Variants in MACROD2 observed in about 807,000 individuals in gnomAD.
The protein encoded by MACROD2 is mono-ADP ribosylhydrolase 2.
MACROD2 carries 36 observed loss-of-function variants against 70.4 expected under a neutral mutation model. The ratio of observed to expected loss-of-function variants is 0.51; its 90% CI spans 0.39 to 0.68. MACROD2 has a LOEUF of 0.68. Ranked by LOEUF, MACROD2 falls within the 30% of genes least tolerant of loss-of-function variation. MACROD2 has a pLI of 0.00. For synonymous variants in MACROD2, 172 were observed against 178.8 expected (o/e 0.96, Z 0.30); for missense variants, 496 against 538.4 (o/e 0.92, Z 0.78).
Position 15,039,555 on chromosome 20 carries a change from A to G in MACROD2, c.419-190385A>G, listed in dbSNP as rs543761421. 2.7e-5 allele frequency among the ~76,000 whole-genome samples: 4 copies of G among 150,608 alleles called. No homozygotes were observed. In the South Asian group the frequency reaches 8.8e-4, roughly 33 times the overall value. ...TCTGCATGGCCAGGTGCCATACTTC[A>G]TGGTATTGTTTAATGAGCCCTGACA... is the stretch of plus-strand genomic sequence containing the variant. On this transcript the variant is annotated intron_variant, in intron 5 of 17. Transcript: ENST00000684519.
In MACROD2 at chr20:15,275,224, AAAC is replaced by A. The variant is rs568412537; in HGVS notation, c.540+45172_540+45174del. ...AAACCAAACTAAACCACAAACACACAAACAACAACAAAAACAAACAAACAAACA... is the reference window on the plus strand; with the variant it reads ...AAACCAAACTAAACCACAAACACACAAACAACAAAAACAAACAAACAAACA... On this transcript the variant is annotated intron_variant, in intron 6 of 17. Coordinates refer to ENST00000684519, the MANE Select transcript of MACROD2 (RefSeq NM_001351661.2). Among the ~76,000 whole-genome samples the A allele has an allele frequency of 2.8e-3, 422 of 152,326 alleles. 3 individuals carry two copies. The highest frequency in any genetic ancestry group is 9.2e-3 in the African/African-American group (383 of 41,570).
intron 5 of MACROD2, among the ~76,000 whole-genome samples, chr20:14,914,219 T>C (rs2074062908): frequency 6.6e-6 from 1 of 152,170 alleles, no homozygotes; most frequent in Admixed American, 6.5e-5. Context: ...TTGGAGTGTT[T>C]GATTCCTGAC....
rs927537580 is a variant in MACROD2 at position 14,089,500 on chromosome 20, C to G, written c.271+3772C>G. 5.3e-5 allele frequency among the ~76,000 whole-genome samples: 8 copies of G among 152,156 alleles called. No homozygotes were observed. The East Asian group carries it at 1.5e-3, about 29-fold the overall frequency. On this transcript the variant is annotated intron_variant, in intron 3 of 17. Coordinates refer to ENST00000684519, the MANE Select transcript of MACROD2 (RefSeq NM_001351661.2). Reference sequence around the variant, plus strand: ...ACATTGGAACACCTGGTCTTAGTTGCTATGAATGAAATGATTTCATATTTT... The same window carrying G: ...ACATTGGAACACCTGGTCTTAGTTGGTATGAATGAAATGATTTCATATTTT...
chr20:14,003,146 G>C (rs1049569394), intron 2 of MACROD2, among the ~76,000 whole-genome samples: 1 of 152,174 alleles, frequency 6.6e-6, no homozygotes, highest in South Asian at 2.1e-4. Context: ...TTATGAAATG[G>C]ACTTGAAACA....
intron 7 of MACROD2, among the ~76,000 whole-genome samples, chr20:15,480,076 C>T (rs2047075904): frequency 6.6e-6 from 1 of 152,094 alleles, no homozygotes; most frequent in African/African-American, 2.4e-5. Context: ...ACAGTAGATC[C>T]AGAATTTTGC....
At chr20:14,068,684 CAG>C (rs2148659757) in intron 2 of MACROD2, among the ~76,000 whole-genome samples, 1 of 152,068 alleles carries the variant, frequency 6.6e-6, no homozygotes. Flanking sequence ...TCTAAAGTCA[CAG>C]GGGAAGGAAA....
intron 3 of MACROD2, among the ~76,000 whole-genome samples, chr20:14,139,290 G>A (rs895542951): frequency 3.0e-4 from 45 of 152,090 alleles, no homozygotes; most frequent in African/African-American, 9.7e-4. Context: ...CCGCCCAGCC[G>A]CCCTTTAATC....
intron 8 of MACROD2, among the ~76,000 whole-genome samples, chr20:15,528,113 CA>C (rs1222359005): frequency 1.3e-5 from 2 of 150,848 alleles, no homozygotes; most frequent in Non-Finnish European, 2.9e-5. Context: ...CTTAGCCCTC[CA>C]GGGGTATTTG....
chr20:14,464,965 A>G (rs1404525960), intron 3 of MACROD2, among the ~76,000 whole-genome samples: 2 of 151,982 alleles, frequency 1.3e-5, no homozygotes, highest in African/African-American at 4.8e-5. Flanking sequence ...CTATGTGGTC[A>G]GTTTTGGAAT....
intron 8 of MACROD2, among the ~76,000 whole-genome samples, chr20:15,682,100 C>T (rs746476739): frequency 1.4e-4 from 21 of 152,096 alleles, no homozygotes; most frequent in Non-Finnish European, 2.6e-4. Flanking sequence ...CATGTAGCCA[C>T]CTATGGGATT....
chr20:15,266,324 T>C (rs1194955643), intron 6 of MACROD2, among the ~76,000 whole-genome samples: 1 of 152,216 alleles, frequency 6.6e-6, no homozygotes, highest in Non-Finnish European at 1.5e-5. Context: ...GGACAGCACC[T>C]TCCTGCACTA....
chr20:15,349,670 C>T (rs1233376980), intron 6 of MACROD2, among the ~76,000 whole-genome samples: 2 of 149,450 alleles, frequency 1.3e-5, no homozygotes, highest in Non-Finnish European at 3.0e-5. Context: ...GCAGGAGAAT[C>T]GCTTGAACCT....
At chr20:14,129,940 C>A (rs1026061446) in intron 3 of MACROD2, among the ~76,000 whole-genome samples, 10 of 152,154 alleles carry the variant, frequency 6.6e-5, no homozygotes, top group African/African-American at 2.4e-4. Flanking sequence ...ACTGGGAAAC[C>A]AAAAAATTTG....
At chr20:14,961,630 C>G (rs932770269) in intron 5 of MACROD2, among the ~76,000 whole-genome samples, 2 of 151,850 alleles carry the variant, frequency 1.3e-5, no homozygotes, top group African/African-American at 4.8e-5. Flanking sequence ...TGGGCTCAAA[C>G]GATATCGCCC....
At chr20:16,036,339 G>C (rs2067236120) in intron 15 of MACROD2, among the ~76,000 whole-genome samples, 1 of 151,724 alleles carries the variant, frequency 6.6e-6, no homozygotes, top group Non-Finnish European at 1.5e-5. Flanking sequence ...ACTACATTCT[G>C]TGTGCATCTC....
chr20:16,000,128 A>G (rs532938416), intron 15 of MACROD2, among the ~76,000 whole-genome samples: 4 of 152,190 alleles, frequency 2.6e-5, no homozygotes, highest in Non-Finnish European at 5.9e-5. Context: ...AAAATCTAGA[A>G]CATTTACTAC....
intron 6 of MACROD2, among the ~76,000 whole-genome samples, chr20:15,245,006 A>G (rs947526532): frequency 2.6e-5 from 4 of 152,236 alleles, no homozygotes; most frequent in African/African-American, 7.2e-5. Context: ...CTGTGGCACT[A>G]TCACCAAAAT....
intron 3 of MACROD2, among the ~76,000 whole-genome samples, chr20:14,179,024 GTGGAGGATGACTTTTACCTC>G (rs1010606717): frequency 6.6e-6 from 1 of 152,160 alleles, no homozygotes; most frequent in African/African-American, 2.4e-5. Context: ...AACCAAAGGT[GTGGAGGATGACTTTTACCTC>G]TGGGTGAGAG....
chr20:14,227,134 T>A (rs919676091), intron 3 of MACROD2, among the ~76,000 whole-genome samples: 2 of 152,152 alleles, frequency 1.3e-5, no homozygotes, highest in Non-Finnish European at 2.9e-5. Flanking sequence ...ATCTAGCTAC[T>A]CTGGTGGGGC....
Sources: allele counts gnomAD v4.1 joint callset (sites outside exome capture counted in the v4.1 genomes callset), GRCh38; gene constraint gnomAD v4.1.1; transcripts MANE v1.5; gene names NCBI Gene and HGNC (gene_info 2026-07-23, HGNC 2026-07-21).